The following ATP8A1 variants were observed in gnomAD, a reference collection of about 807,000 sequenced individuals.
ATP8A1 encodes the protein ATPase phospholipid transporting 8A1.
A neutral mutation model predicts 177.7 loss-of-function variants in ATP8A1; 90 were observed. That is an observed-to-expected ratio of 0.51 (90% CI 0.43 to 0.60). ATP8A1 has a LOEUF of 0.60. ATP8A1 is among the 20% of genes least tolerant of loss of function. ATP8A1 has a pLI of 0.00. For missense variants in ATP8A1, 1,072 were observed against 1,392.8 expected (o/e 0.77, Z 3.67); for synonymous variants, 493 against 485.9 (o/e 1.01, Z -0.19).
chr4:42,626,966 G>T, intron 2 of ATP8A1, 29 bp downstream of exon 2: 2 of 1,547,084 alleles, frequency 1.3e-6, no homozygotes, highest in Middle Eastern at 1.7e-4. Flanking sequence ...CTGCTGGCTG[G>T]TCTCATGGCA....
chr4:42,598,503 T>G (rs1307131393), intron 6 of ATP8A1, among the ~76,000 whole-genome samples: 2 of 152,120 alleles, frequency 1.3e-5, no homozygotes, highest in Admixed American at 1.3e-4. Flanking sequence ...CTTTCTTAAC[T>G]GTTTATTTTT....
In ATP8A1 at chr4:42,410,187, T is replaced by A. The variant is rs1712428910; in HGVS notation, c.*2729A>T. ...TGTGAGACACCAATATATTTTTATA[T>A]GTATATATAAAACATTTAGAAAGTC... On this transcript the variant is annotated 3_prime_UTR_variant, in exon 37 of 37. Transcript: ENST00000381668. 6.6e-6 allele frequency: 1 copy of A among 152,196 alleles called. No individual in the cohort carries two copies. The highest frequency in any genetic ancestry group is 1.5e-5 in the Non-Finnish European group (1 of 68,018). 9.4% of individuals were successfully genotyped at this position (152,196 alleles called of 1,614,324 possible). A position where few individuals can be genotyped will look rare whatever the true frequency, so the allele number is the denominator to read the frequency against.
intron 35 of ATP8A1, among the ~76,000 whole-genome samples, chr4:42,418,030 A>C (rs1713442848): frequency 6.6e-6 from 1 of 152,240 alleles, no homozygotes; most frequent in African/African-American, 2.4e-5. Context: ...ACTGATATAA[A>C]ATCGAGTGTG....
At chr4:42,635,780 C>CATATATATATATATATATATATATAT (rs1317800276) in intron 1 of ATP8A1, among the ~76,000 whole-genome samples, 10 of 43,462 alleles carry the variant, frequency 2.3e-4, no homozygotes, top group Admixed American at 4.9e-4. Context: ...CACACACACA[C>CATATATATATATATATATATATATAT]ACATATATAT....
chr4:42,601,033 C>CTTTTT (rs36117571), intron 5 of ATP8A1, among the ~76,000 whole-genome samples: 44 of 102,396 alleles, frequency 4.3e-4, no homozygotes, highest in African/African-American at 1.2e-3. Flanking sequence ...CCCAAATTTT[C>CTTTTT]TTTTTTTTTT....
At chr4:42,500,445 A>AACTCCT (rs1723748621) in intron 24 of ATP8A1, among the ~76,000 whole-genome samples, 2 of 152,206 alleles carry the variant, frequency 1.3e-5, no homozygotes, top group South Asian at 4.1e-4. Flanking sequence ...ACACAATCAG[A>AACTCCT]ACTCCTAGTA....
At chr4:42,458,457 C>T (rs2153180676) in intron 27 of ATP8A1, among the ~76,000 whole-genome samples, 1 of 152,210 alleles carries the variant, frequency 6.6e-6, no homozygotes, top group Middle Eastern at 3.4e-3. Context: ...AAGGAAAGGT[C>T]TTATTTTATG....
At chr4:42,611,128 A>C (rs944578556) in intron 5 of ATP8A1, among the ~76,000 whole-genome samples, 1 of 152,216 alleles carries the variant, frequency 6.6e-6, no homozygotes, top group Non-Finnish European at 1.5e-5. Context: ...TTTAAAGCTG[A>C]AATGGTTTCC....
chr4:42,585,634 T>C (rs898051480), intron 9 of ATP8A1, among the ~76,000 whole-genome samples: 2 of 151,556 alleles, frequency 1.3e-5, no homozygotes, highest in Non-Finnish European at 2.9e-5. Context: ...AATTCATAAA[T>C]TACCCAGTCT....
rs1336420523 is a variant in ATP8A1, at chr4:42,428,722, A to G, written c.3124-5017T>C. On this transcript the variant is annotated intron_variant, in intron 33 of 36. Coordinates refer to ENST00000381668, the MANE Select transcript of ATP8A1 (RefSeq NM_006095.2). Reference sequence around the variant, plus strand: ...ATACAAAATCTTTAATACAATTTCAAGACCTTTCCTATCTGACTTCTGATT... The same window carrying G: ...ATACAAAATCTTTAATACAATTTCAGGACCTTTCCTATCTGACTTCTGATT... Among the ~76,000 whole-genome samples the G allele has an allele frequency of 2.0e-5, 3 of 152,178 alleles. No individual in the cohort carries two copies. The East Asian group carries it at 5.8e-4, about 29-fold the overall frequency.
At chr4:42,490,464 T>C (rs972083087) in intron 24 of ATP8A1, among the ~76,000 whole-genome samples, 1 of 152,152 alleles carries the variant, frequency 6.6e-6, no homozygotes, top group Non-Finnish European at 1.5e-5. Context: ...CCTTTTCTTC[T>C]CTCCTCAAGA....
At chr4:42,602,790 T>A (rs1309235941) in intron 5 of ATP8A1, among the ~76,000 whole-genome samples, 7 of 139,600 alleles carry the variant, frequency 5.0e-5, no homozygotes, top group South Asian at 2.3e-4. Flanking sequence ...AAAATAAAAT[T>A]AAAATAAATA....
intron 6 of ATP8A1, chr4:42,594,228 G>A (rs1247246038): frequency 6.9e-6 from 6 of 864,358 alleles, no homozygotes. Flanking sequence ...GAAATCACAA[G>A]GTCAATGCAG....
chr4:42,625,369 C>T (rs922186026), intron 3 of ATP8A1: 1 of 312,180 alleles, frequency 3.2e-6, no homozygotes, highest in Non-Finnish European at 5.9e-6. Flanking sequence ...GTCCCATCCC[C>T]TTTACCACCC....
intron 24 of ATP8A1, among the ~76,000 whole-genome samples, chr4:42,495,015 T>C (rs1723120977): frequency 6.6e-6 from 1 of 152,230 alleles, no homozygotes; most frequent in Non-Finnish European, 1.5e-5. Context: ...TAAAATCTAC[T>C]ATAAATTAAT....
chr4:42,428,196 A>G (rs1297484659), intron 33 of ATP8A1, among the ~76,000 whole-genome samples: 1 of 152,226 alleles, frequency 6.6e-6, no homozygotes, highest in Non-Finnish European at 1.5e-5. Context: ...TGCAGTTTGT[A>G]TCATCATTCA....
intron 1 of ATP8A1, 85 bp downstream of exon 1, chr4:42,656,740 G>C: frequency 3.0e-6 from 4 of 1,348,460 alleles, no homozygotes; most frequent in Non-Finnish European, 3.9e-6. Flanking sequence ...GGTAGGATGC[G>C]GTCTCTTCCA....
rs936684337 is a variant in ATP8A1 at position 42,466,598 on chromosome 4, G to C, written c.2325-1522C>G. ...TATTTTTAGTGCCTGATCCAAAATA[G>C]ATACTCAATACATGGTTGCTATACG... On this transcript the variant is annotated intron_variant, in intron 25 of 36. Coordinates refer to ENST00000381668, the MANE Select transcript of ATP8A1 (RefSeq NM_006095.2). Among the ~76,000 whole-genome samples, 23 of 152,170 alleles carry C rather than the reference G, an allele frequency of 1.5e-4. 1 individual carries two copies. Among genetic ancestry groups the C allele is most frequent in the African/African-American group, 5.6e-4 (23 of 41,424 alleles).
intron 33 of ATP8A1, among the ~76,000 whole-genome samples, chr4:42,430,161 A>G (rs1257732194): frequency 6.6e-6 from 1 of 152,308 alleles, no homozygotes; most frequent in African/African-American, 2.4e-5. Flanking sequence ...AAAGAAAAAA[A>G]AAAGATTCTT....
Sources: gnomAD v4.1 joint callset for allele counts (sites outside exome capture counted in the v4.1 genomes callset) on GRCh38, gnomAD v4.1.1 for gene constraint, MANE v1.5 for transcripts, NCBI Gene and HGNC (gene_info 2026-07-23, HGNC 2026-07-21) for gene names.